PLCG2: variants seen among roughly 807,000 people sequenced by gnomAD.
The protein encoded by PLCG2 is phospholipase C gamma 2, also known as 1-phosphatidylinositol 4,5-bisphosphate phosphodiesterase gamma-2.
In PLCG2, 69 loss-of-function variants were observed where a neutral mutation model predicts 175.6. That is an observed-to-expected ratio of 0.39 (90% CI 0.32 to 0.48). PLCG2 has a LOEUF of 0.48. PLCG2 is among the 20% of genes least tolerant of loss of function. The pLI, the probability that PLCG2 is intolerant of heterozygous loss-of-function variation, is 0.91. For missense variants in PLCG2, 1,798 were observed against 1,650.9 expected (o/e 1.09, Z -1.54); for synonymous variants, 827 against 624.0 (o/e 1.33, Z -4.85).
intron 2 of PLCG2, among the ~76,000 whole-genome samples, chr16:81,764,333 G>A (rs964733136): frequency 6.6e-6 from 1 of 152,090 alleles, no homozygotes; most frequent in Non-Finnish European, 1.5e-5. Flanking sequence ...AAAGTGAAAA[G>A]TTACAAAGAT....
At chr16:81,929,088 A>C (rs1249915520) in intron 24 of PLCG2, among the ~76,000 whole-genome samples, 6 of 152,190 alleles carry the variant, frequency 3.9e-5, no homozygotes, top group Non-Finnish European at 2.9e-5. Context: ...GCTGGGGCCC[A>C]GGAAACCCAG....
In PLCG2 at chr16:81,751,107, A is replaced by G. The variant is rs561665411; in HGVS notation, c.-144-4763A>G. ...GTGATTCTCCTGCCTCAGCCTCCTC[A>G]GTAGCTGGTATTACAGGTGCATTCC... On this transcript the variant is annotated intron_variant, in intron 1 of 5. Coordinates refer to the PLCG2 transcript ENST00000565054. Among the ~76,000 whole-genome samples the G allele has an allele frequency of 2.0e-5, 3 of 148,218 alleles. 1 individual carries two copies. The South Asian group carries it at 6.3e-4, about 31-fold the overall frequency.
rs1372835280 is a variant in PLCG2 at position 81,958,174 on chromosome 16, A to T, written c.*176A>T. On this transcript the variant is annotated 3_prime_UTR_variant, in exon 33 of 33. Transcript: ENST00000564138. ...GCATGAGTTGGGGTAATTTCCTATTATTTTCATCTTGGACAACTTTCTTAA... is the reference window on the plus strand; with the variant it reads ...GCATGAGTTGGGGTAATTTCCTATTTTTTTCATCTTGGACAACTTTCTTAA... 2 of 593,738 alleles carry T rather than the reference A, an allele frequency of 3.4e-6. No individual in the cohort carries two copies. Among genetic ancestry groups the T allele is most frequent in the East Asian group, 5.6e-5 (2 of 35,612 alleles). 36.8% of individuals were successfully genotyped at this position (593,738 alleles called of 1,614,324 possible). A position where few individuals can be genotyped will look rare whatever the true frequency, so the allele number is the denominator to read the frequency against.
At chr16:81,824,483 T>C (rs186997582) in intron 2 of PLCG2, among the ~76,000 whole-genome samples, 9 of 152,326 alleles carry the variant, frequency 5.9e-5, no homozygotes, top group Admixed American at 5.2e-4. Flanking sequence ...TCTGGGGTTG[T>C]GACTGCTGGA....
chr16:81,923,699 G>T, intron 22 of PLCG2, 105 bp downstream of exon 22: 1 of 650,916 alleles, frequency 1.5e-6, no homozygotes, highest in South Asian at 1.8e-5. Flanking sequence ...TTGTCATCCT[G>T]GGCTGGCTTT....
At chr16:81,778,016 C>CAAAACAAAAAAAAAAAAAAAAAA (rs1910484333), upstream of PLCG2, among the ~76,000 whole-genome samples, 1 of 49,082 alleles carries the variant, frequency 2.0e-5, no homozygotes, top group Non-Finnish European at 3.5e-5. Flanking sequence ...GACTTTGTCT[C>CAAAACAAAAAAAAAAAAAAAAAA]AAAAAAAAAA....
intron 2 of PLCG2, among the ~76,000 whole-genome samples, chr16:81,827,547 A>T (rs1478776088): frequency 1.3e-5 from 2 of 152,106 alleles, no homozygotes; most frequent in Non-Finnish European, 2.9e-5. Context: ...CAGAAACATA[A>T]ATACCTGCAG....
At chr16:81,830,836 G>A (rs1391644440) in intron 2 of PLCG2, among the ~76,000 whole-genome samples, 2 of 151,966 alleles carry the variant, frequency 1.3e-5, no homozygotes, top group African/African-American at 4.8e-5. Flanking sequence ...TCGGGCTTCT[G>A]GATGACTGAG....
intron 2 of PLCG2, among the ~76,000 whole-genome samples, chr16:81,802,211 C>G (rs1481924126): frequency 6.8e-6 from 1 of 146,270 alleles, no homozygotes; most frequent in Non-Finnish European, 1.5e-5. Flanking sequence ...CTCCCGGGTT[C>G]ACACCATTCT....
chr16:81,955,759 C>A (rs1327333204), intron 31 of PLCG2, among the ~76,000 whole-genome samples: 1 of 152,180 alleles, frequency 6.6e-6, no homozygotes, highest in Admixed American at 6.5e-5. Context: ...ACGGATGCGT[C>A]TAGTTGGCCT....
chr16:81,906,708 G>C (rs1241330482), intron 15 of PLCG2, among the ~76,000 whole-genome samples: 1 of 152,202 alleles, frequency 6.6e-6, no homozygotes, highest in Non-Finnish European at 1.5e-5. Context: ...ACTGGCGTGG[G>C]CCACTGTACC....
chr16:81,760,867 C>G (rs1910028050), intron 2 of PLCG2, among the ~76,000 whole-genome samples: 1 of 151,906 alleles, frequency 6.6e-6, no homozygotes, highest in Admixed American at 6.6e-5. Context: ...GAGCTCAAGG[C>G]CAGCCTGTGC....
intron 9 of PLCG2, among the ~76,000 whole-genome samples, chr16:81,884,962 A>C (rs1908281950): frequency 6.6e-6 from 1 of 151,984 alleles, no homozygotes; most frequent in African/African-American, 2.4e-5. Context: ...GTAACAGCTC[A>C]CTGCAGCCTC....
chr16:81,899,958 T>C (rs2143628460), intron 13 of PLCG2, among the ~76,000 whole-genome samples: 1 of 152,322 alleles, frequency 6.6e-6, no homozygotes, highest in South Asian at 2.1e-4. Flanking sequence ...GCTCAGGTAT[T>C]TGCCAATCAG....
intron 11 of PLCG2, 130 bp from the exon 12 acceptor site, chr16:81,893,579 C>A: frequency 1.5e-6 from 1 of 671,786 alleles, no homozygotes. Flanking sequence ...TTGAGTCTTT[C>A]TACATGGAAG....
At chr16:81,804,361 A>G (rs1015495453) in intron 2 of PLCG2, among the ~76,000 whole-genome samples, 1 of 152,170 alleles carries the variant, frequency 6.6e-6, no homozygotes, top group African/African-American at 2.4e-5. Flanking sequence ...CTTTCTGTAG[A>G]CAGTGTCCTA....
chr16:81,948,381 A>G (rs8063813), intron 31 of PLCG2, among the ~76,000 whole-genome samples: 90,403 of 152,010 alleles, frequency 0.59, 27,024 homozygotes, highest in South Asian at 0.69. Context: ...CAAACTGGCC[A>G]TTTCTGGAGG....
Position 81,751,139 on chromosome 16 carries a change from C to A in PLCG2, c.-144-4731C>A, listed in dbSNP as rs375336625. 5.9e-5 allele frequency among the ~76,000 whole-genome samples: 9 copies of A among 151,900 alleles called. No individual in the cohort carries two copies. In the East Asian group the frequency reaches 1.4e-3, roughly 23 times the overall value. ...GGTATTACAGGTGCATTCCACCATG[C>A]CCAGCTAATTTTAGTATGTTTAGTA... On this transcript the variant is annotated intron_variant, in intron 1 of 5. Transcript: ENST00000565054.
At chr16:81,913,168 C>G (rs1026883832) in intron 19 of PLCG2, among the ~76,000 whole-genome samples, 7 of 152,190 alleles carry the variant, frequency 4.6e-5, no homozygotes, top group African/African-American at 1.7e-4. Flanking sequence ...CTGTGGTTCT[C>G]TAATGTTACC....
Sources: allele counts gnomAD v4.1 joint callset (sites outside exome capture counted in the v4.1 genomes callset), GRCh38; gene constraint gnomAD v4.1.1; transcripts MANE v1.5; gene names NCBI Gene and HGNC (gene_info 2026-07-23, HGNC 2026-07-21).